GARIN1A: variants seen among roughly 807,000 people sequenced by gnomAD.
The protein encoded by GARIN1A is Golgi-associated RAB2 interactor protein 1A.
chr7:128,693,993 C>T, the GARIN1A span: 1 of 152,220 alleles, frequency 6.6e-6, no homozygotes, highest in Non-Finnish European at 1.5e-5. Flanking sequence ...GCTGGAGATT[C>T]TATAAGGGCG....
the GARIN1A span, chr7:128,675,934 G>A: frequency 9.1e-7 from 1 of 1,100,466 alleles, no homozygotes; most frequent in Non-Finnish European, 1.4e-6. Context: ...CTGGATTTTA[G>A]ATCAAAAGAA....
At chr7:128,677,620 T>C in the GARIN1A span, 1 of 1,613,244 alleles carries the variant, frequency 6.2e-7, no homozygotes, top group Non-Finnish European at 8.5e-7. Context: ...CAGCGCATCC[T>C]GAGGGTTAGG....
At chr7:128,705,082 T>G in the GARIN1A span, among the ~76,000 whole-genome samples, 1 of 152,244 alleles carries the variant, frequency 6.6e-6, no homozygotes, top group African/African-American at 2.4e-5. Context: ...TGTTCCTTTT[T>G]GTTGCTGAAT....
At chr7:128,694,786 T>G in the GARIN1A span, among the ~76,000 whole-genome samples, 1 of 152,278 alleles carries the variant, frequency 6.6e-6, no homozygotes, top group South Asian at 2.1e-4. Flanking sequence ...CAAACTGAAA[T>G]GAAGACTAAA....
chr7:128,678,607 C>CAG, the GARIN1A span, among the ~76,000 whole-genome samples: 1 of 151,922 alleles, frequency 6.6e-6, no homozygotes, highest in African/African-American at 2.4e-5. Flanking sequence ...AGTTCGAGAC[C>CAG]AGCCTGCCCA....
the GARIN1A span, among the ~76,000 whole-genome samples, chr7:128,701,189 C>T: frequency 1.3e-5 from 2 of 150,970 alleles, no homozygotes; most frequent in African/African-American, 4.9e-5. Flanking sequence ...CCATGTTGTT[C>T]CAGGGTCAAC....
At chr7:128,692,013 C>A in the GARIN1A span, among the ~76,000 whole-genome samples, 1 of 152,190 alleles carries the variant, frequency 6.6e-6, no homozygotes, top group African/African-American at 2.4e-5. Context: ...ATGAGACAGT[C>A]GCTGGGCTTC....
chr7:128,677,931 C>A, the GARIN1A span: 4 of 841,060 alleles, frequency 4.8e-6, no homozygotes, highest in Admixed American at 3.2e-5. Flanking sequence ...TTGTAAATAT[C>A]ATTTTGATAA....
the GARIN1A span, among the ~76,000 whole-genome samples, chr7:128,698,462 C>A: frequency 6.6e-6 from 1 of 152,042 alleles, no homozygotes; most frequent in African/African-American, 2.4e-5. Flanking sequence ...CCCTCCTTAA[C>A]CCATGCCACC....
the GARIN1A span, chr7:128,677,504 C>CA: frequency 5.0e-3 from 6,176 of 1,247,018 alleles, 14 homozygotes; most frequent in East Asian, 0.012. Context: ...GACTCCGTCT[C>CA]AAAAAAAAAA....
the GARIN1A span, chr7:128,675,944 A>C: frequency 7.1e-6 from 7 of 985,498 alleles, no homozygotes; most frequent in Non-Finnish European, 1.1e-5. Flanking sequence ...GATCAAAAGA[A>C]AAGATAGCGT....
the GARIN1A span, among the ~76,000 whole-genome samples, chr7:128,698,316 G>A: frequency 8.0e-4 from 122 of 152,172 alleles, 2 homozygotes; most frequent in East Asian, 5.0e-3. Context: ...CACTGGGGCT[G>A]CTTCTCTAGG....
the GARIN1A span, chr7:128,684,669 G>A: frequency 6.7e-6 from 1 of 150,008 alleles, no homozygotes; most frequent in Admixed American, 6.6e-5. Context: ...CCCTGTGTTA[G>A]TGTAAAGCTA....
the GARIN1A span, among the ~76,000 whole-genome samples, chr7:128,703,330 A>G: frequency 6.6e-6 from 1 of 152,266 alleles, no homozygotes; most frequent in African/African-American, 2.4e-5. Flanking sequence ...TGCAAAGTGT[A>G]TAATCAGACC....
the GARIN1A span, among the ~76,000 whole-genome samples, chr7:128,680,337 C>T: frequency 1.1e-3 from 160 of 152,286 alleles, no homozygotes; most frequent in African/African-American, 3.5e-3. Flanking sequence ...TCTGAATATT[C>T]ACTTCTTAGG....
the GARIN1A span, among the ~76,000 whole-genome samples, chr7:128,674,794 T>C: frequency 6.6e-6 from 1 of 152,152 alleles, no homozygotes; most frequent in Non-Finnish European, 1.5e-5. Context: ...GTCGATAGTT[T>C]TACAAAGTCT....
At chr7:128,672,474 T>G in the GARIN1A span, 2 of 1,608,996 alleles carry the variant, frequency 1.2e-6, no homozygotes, top group Non-Finnish European at 1.7e-6. Context: ...GAAAATGGCC[T>G]TCTTTGTCAA....
the GARIN1A span, among the ~76,000 whole-genome samples, chr7:128,696,988 G>A: frequency 6.6e-6 from 1 of 152,120 alleles, no homozygotes; most frequent in South Asian, 2.1e-4. Flanking sequence ...GTAAATCAAG[G>A]GAAGATGGTA....
chr7:128,679,511 A>G, the GARIN1A span, among the ~76,000 whole-genome samples: 1 of 152,114 alleles, frequency 6.6e-6, no homozygotes, highest in Non-Finnish European at 1.5e-5. Flanking sequence ...CTTTTTATAC[A>G]TTGGGATTTT....
Sources: allele counts gnomAD v4.1 joint callset (sites outside exome capture counted in the v4.1 genomes callset), GRCh38; gene constraint gnomAD v4.1.1; transcripts MANE v1.5; gene names NCBI Gene and HGNC (gene_info 2026-07-23, HGNC 2026-07-21).